The following PLEKHA6 variants were observed in gnomAD, a reference collection of about 807,000 sequenced individuals.
The protein encoded by PLEKHA6 is pleckstrin homology domain containing A6, also known as pleckstrin homology domain-containing family A member 6.
Under a neutral mutation model 116.7 loss-of-function variants are expected in PLEKHA6, and 60 were observed. The ratio of observed to expected loss-of-function variants is 0.51; its 90% CI spans 0.42 to 0.64. PLEKHA6 has a LOEUF of 0.64. Among genes scored for constraint, PLEKHA6 ranks in the 30% least tolerant of loss-of-function variants. The pLI is 0.00. For synonymous variants in PLEKHA6, 489 were observed against 556.1 expected (o/e 0.88, Z 1.70); for missense variants, 1,338 against 1,422.7 (o/e 0.94, Z 0.96).
At chr1:204,300,041 C>G (rs1670660555) in intron 1 of PLEKHA6, among the ~76,000 whole-genome samples, 1 of 152,156 alleles carries the variant, frequency 6.6e-6, no homozygotes, top group Admixed American at 6.5e-5. Context: ...CGCCATCTGA[C>G]AGTACTTAGA....
intron 21 of PLEKHA6, among the ~76,000 whole-genome samples, chr1:204,227,213 T>G (rs1445968847): frequency 6.6e-6 from 1 of 152,216 alleles, no homozygotes; most frequent in Non-Finnish European, 1.5e-5. Context: ...TCTCTGCCAG[T>G]GTCATCTCCA....
In PLEKHA6 at chr1:204,259,206, G is replaced by T; in HGVS notation, c.1007+52C>A. The T allele has an allele frequency of 6.3e-7, 1 of 1,576,558 alleles. No homozygotes were observed. Among genetic ancestry groups the T allele is most frequent in the Non-Finnish European group, 8.6e-7 (1 of 1,162,048 alleles). ...TCGTGGGCTATGACCCCACTCGCAC[G>T]CTCTAGCCATAATACCATATCAGCC... On this transcript the variant is annotated intron_variant, in intron 8 of 22. Coordinates refer to ENST00000272203, the MANE Select transcript of PLEKHA6 (RefSeq NM_014935.5). The surrounding 1 kb of genome is among the most constrained non-coding windows in gnomAD (Gnocchi z 4.6).
chr1:204,344,329 G>A (rs534363406), intron 1 of PLEKHA6, among the ~76,000 whole-genome samples: 9 of 152,248 alleles, frequency 5.9e-5, no homozygotes, highest in East Asian at 3.9e-4. Flanking sequence ...GCCAGGCTTG[G>A]TGGCTCACGC....
At chr1:204,359,249 CG>C (rs1336434183) in intron 1 of PLEKHA6, among the ~76,000 whole-genome samples, 1 of 152,086 alleles carries the variant, frequency 6.6e-6, no homozygotes, top group Non-Finnish European at 1.5e-5. Flanking sequence ...CCCCTCCCCA[CG>C]CTGAGGAAGG....
At chr1:204,265,266 G>T (rs1193896901) in intron 5 of PLEKHA6, among the ~76,000 whole-genome samples, 4 of 152,188 alleles carry the variant, frequency 2.6e-5, no homozygotes, top group Non-Finnish European at 5.9e-5. Flanking sequence ...CCAGACACTG[G>T]GACTACAGAG....
Position 204,223,159 on chromosome 1 carries a change from C to A in PLEKHA6, c.*8+303G>T, listed in dbSNP as rs991996678. Reference sequence around the variant, plus strand: ...ACAGGGGTGGGGTGTCAGGGAAGAGCCTTCCCTGAGAGCAGACAGGTGAGG... The same window carrying A: ...ACAGGGGTGGGGTGTCAGGGAAGAGACTTCCCTGAGAGCAGACAGGTGAGG... On this transcript the variant is annotated intron_variant, in intron 22 of 22. Transcript: ENST00000272203. The surrounding 1 kb of genome is among the most constrained non-coding windows in gnomAD (Gnocchi z 4.8). Among the ~76,000 whole-genome samples the A allele has an allele frequency of 1.3e-5, 2 of 152,110 alleles. No homozygotes were observed.
Position 204,328,681 on chromosome 1 carries a change from C to T in PLEKHA6, c.-95+31013G>A, listed in dbSNP as rs116177182. Reference sequence around the variant, plus strand: ...GATTACCGGCTTGAGCCACTGTGCCCGGCCTCACAGTCAACTTTCAATTGT... The same window carrying T: ...GATTACCGGCTTGAGCCACTGTGCCTGGCCTCACAGTCAACTTTCAATTGT... On this transcript the variant is annotated intron_variant, in intron 1 of 22. Coordinates refer to ENST00000272203, the MANE Select transcript of PLEKHA6 (RefSeq NM_014935.5). 3.7e-3 allele frequency among the ~76,000 whole-genome samples: 563 copies of T among 152,330 alleles called. 4 individuals are homozygous for T. The highest frequency in any genetic ancestry group is 6.0e-3 in the Non-Finnish European group (408 of 68,024).
chr1:204,331,356 A>T (rs180705034), intron 1 of PLEKHA6, among the ~76,000 whole-genome samples: 1 of 152,300 alleles, frequency 6.6e-6, no homozygotes, highest in East Asian at 1.9e-4. Flanking sequence ...AAGAACAAGA[A>T]CACAGAAGAG....
At chr1:204,248,492 G>T (rs1197967180) in intron 12 of PLEKHA6, among the ~76,000 whole-genome samples, 1 of 152,202 alleles carries the variant, frequency 6.6e-6, no homozygotes, top group Non-Finnish European at 1.5e-5. Flanking sequence ...TTCTCCGAGG[G>T]AGAAGACAGA....
At chr1:204,265,982 T>C (rs368811760) in intron 5 of PLEKHA6, among the ~76,000 whole-genome samples, 1 of 152,182 alleles carries the variant, frequency 6.6e-6, no homozygotes, top group African/African-American at 2.4e-5. Flanking sequence ...TATGAGACTA[T>C]GGCAAGGCCC....
chr1:204,320,821 T>C (rs1672035504), intron 1 of PLEKHA6, among the ~76,000 whole-genome samples: 1 of 151,834 alleles, frequency 6.6e-6, no homozygotes, highest in Admixed American at 6.6e-5. Flanking sequence ...GAGAGAGGGG[T>C]TCTTAGCCTT....
At chr1:204,229,239 T>G (rs1188095622) in intron 18 of PLEKHA6, 135 bp from the exon 19 acceptor site, 7 of 804,796 alleles carry the variant, frequency 8.7e-6, no homozygotes, top group African/African-American at 1.7e-5. Context: ...CATACCCCAC[T>G]GCAGAACTAT....
intron 1 of PLEKHA6, among the ~76,000 whole-genome samples, chr1:204,354,935 C>A (rs1231780478): frequency 6.6e-6 from 1 of 152,222 alleles, no homozygotes; most frequent in South Asian, 2.1e-4. Context: ...AAGCCATGCA[C>A]CTGCCAGAAG....
chr1:204,344,217 G>A (rs373239326), intron 1 of PLEKHA6, among the ~76,000 whole-genome samples: 2 of 152,156 alleles, frequency 1.3e-5, no homozygotes, highest in South Asian at 2.1e-4. Context: ...CTGACACCTC[G>A]CTCTTCCCTG....
intron 9 of PLEKHA6, chr1:204,251,430 G>A (rs1348556899): frequency 1.3e-5 from 8 of 632,612 alleles, no homozygotes; most frequent in East Asian, 5.7e-5. Context: ...GCAGATGAGC[G>A]GGTTGGGTGG....
At position 204,329,688 on chromosome 1, in the gene PLEKHA6, G is replaced by A. The variant is rs558104458; in HGVS notation, c.-95+30006C>T. On this transcript the variant is annotated intron_variant, in intron 1 of 22. Coordinates refer to ENST00000272203, the MANE Select transcript of PLEKHA6 (RefSeq NM_014935.5). ...CTAACTACATTTACAGGAACTACAG[G>A]GACAGCATAACATGTTAAATGACAC... 2.3e-4 allele frequency among the ~76,000 whole-genome samples: 35 copies of A among 152,170 alleles called. 1 individual carries two copies. Among genetic ancestry groups the A allele is most frequent in the Admixed American group, 5.9e-4 (9 of 15,284 alleles).
intron 15 of PLEKHA6, among the ~76,000 whole-genome samples, chr1:204,244,176 G>C (rs1019041110): frequency 6.6e-6 from 1 of 151,796 alleles, no homozygotes; most frequent in Admixed American, 6.6e-5. Context: ...TCTGTCACCA[G>C]GCTGAAGTAC....
intron 1 of PLEKHA6, chr1:204,307,464 A>G (rs1056367703): frequency 3.3e-5 from 5 of 152,266 alleles, no homozygotes; most frequent in African/African-American, 9.7e-5. Flanking sequence ...AAGGAAGGAG[A>G]CAGGGAGAGA....
chr1:204,294,196 G>A (rs547546024), intron 1 of PLEKHA6, among the ~76,000 whole-genome samples: 31 of 152,286 alleles, frequency 2.0e-4, no homozygotes, highest in South Asian at 1.0e-3. Flanking sequence ...AGGAGGATAC[G>A]GAGGAAGTGG....
Sources: gnomAD v4.1 joint callset for allele counts (sites outside exome capture counted in the v4.1 genomes callset) on GRCh38, gnomAD v4.1.1 for gene constraint, Gnocchi (gnomAD v3.1) non-coding constraint, MANE v1.5 for transcripts, NCBI Gene and HGNC (gene_info 2026-07-23, HGNC 2026-07-21) for gene names.